Variants in ERBB4 observed in about 807,000 individuals in gnomAD.
ERBB4 encodes erb-b2 receptor tyrosine kinase 4.
In ERBB4, 42 loss-of-function variants were observed where a neutral mutation model predicts 158.0. The observed-to-expected ratio is 0.27, with a 90% CI of 0.21 to 0.34. ERBB4 has a LOEUF of 0.34. Among genes scored for constraint, ERBB4 ranks in the 10% least tolerant of loss-of-function variants. The pLI is 1.00. For synonymous variants in ERBB4, 583 were observed against 558.7 expected (o/e 1.04, Z -0.61); for missense variants, 1,333 against 1,624.1 (o/e 0.82, Z 3.08).
chr2:212,274,345 G>A (rs1053637745), intron 1 of ERBB4, among the ~76,000 whole-genome samples: 1 of 151,694 alleles, frequency 6.6e-6, no homozygotes, highest in Non-Finnish European at 1.5e-5. Context: ...CAAGGTTTAC[G>A]GTATTGCACT....
rs1574551618 is a variant in ERBB4 at position 211,469,897 on chromosome 2, G to T, written c.2488-38797C>A. 2.0e-5 allele frequency among the ~76,000 whole-genome samples: 3 copies of T among 152,154 alleles called. No individual in the cohort carries two copies. In the East Asian group the frequency reaches 5.8e-4, roughly 29 times the overall value. Reference sequence around the variant, plus strand: ...GTGGGCAACAGTCAACCTTAAGTGTGTTTAAGTGGGCTTGGGGGGGGAGAT... The same window carrying T: ...GTGGGCAACAGTCAACCTTAAGTGTTTTTAAGTGGGCTTGGGGGGGGAGAT... On this transcript the variant is annotated intron_variant, in intron 20 of 27. Coordinates refer to ENST00000342788, the MANE Select transcript of ERBB4 (RefSeq NM_005235.3).
At chr2:212,410,148 T>C (rs1314132782) in intron 1 of ERBB4, among the ~76,000 whole-genome samples, 2 of 152,042 alleles carry the variant, frequency 1.3e-5, no homozygotes, top group African/African-American at 4.8e-5. Context: ...TACAATGTAA[T>C]CACCAAAAGA....
At chr2:211,621,924 CAGTT>C (rs1303466586) in intron 18 of ERBB4, among the ~76,000 whole-genome samples, 1 of 152,066 alleles carries the variant, frequency 6.6e-6, no homozygotes, top group Non-Finnish European at 1.5e-5. Context: ...CAGAAGCCTT[CAGTT>C]ACATCTGTGA....
At chr2:212,261,760 G>GA (rs1342941568) in intron 1 of ERBB4, among the ~76,000 whole-genome samples, 1 of 151,950 alleles carries the variant, frequency 6.6e-6, no homozygotes, top group Non-Finnish European at 1.5e-5. Flanking sequence ...TTTCTCAAGA[G>GA]AAAAAATTAT....
chr2:211,457,751 G>A (rs968611229), intron 20 of ERBB4, among the ~76,000 whole-genome samples: 2 of 152,232 alleles, frequency 1.3e-5, no homozygotes, highest in African/African-American at 4.8e-5. Context: ...GGCATTGCAA[G>A]AGTTAGATAC....
intron 2 of ERBB4, among the ~76,000 whole-genome samples, chr2:212,034,946 A>G (rs1287647905): frequency 6.6e-6 from 1 of 152,204 alleles, no homozygotes; most frequent in Non-Finnish European, 1.5e-5. Flanking sequence ...AAATGACTCC[A>G]TGAAAATTAG....
chr2:211,715,086 C>T (rs1469895986), intron 7 of ERBB4, among the ~76,000 whole-genome samples: 1 of 152,146 alleles, frequency 6.6e-6, no homozygotes, highest in Non-Finnish European at 1.5e-5. Flanking sequence ...GAAAATCTTA[C>T]CAACGGGTAT....
At chr2:211,507,359 AC>A (rs1413975960) in intron 20 of ERBB4, among the ~76,000 whole-genome samples, 6 of 152,154 alleles carry the variant, frequency 3.9e-5, no homozygotes, top group African/African-American at 1.4e-4. Flanking sequence ...GACTCATTCT[AC>A]AAAACAAATA....
intron 20 of ERBB4, among the ~76,000 whole-genome samples, chr2:211,507,382 C>T (rs1470630883): frequency 6.6e-6 from 1 of 152,042 alleles, no homozygotes; most frequent in East Asian, 1.9e-4. Flanking sequence ...AACCCTGAAA[C>T]CCATATCAGG....
intron 4 of ERBB4, among the ~76,000 whole-genome samples, chr2:211,784,965 T>A (rs1343009583): frequency 6.6e-6 from 1 of 152,222 alleles, no homozygotes; most frequent in Non-Finnish European, 1.5e-5. Context: ...ATTTGCTTCA[T>A]GTTATTGAGT....
At chr2:211,716,080 C>T (rs763986361) in intron 7 of ERBB4, among the ~76,000 whole-genome samples, 2 of 151,966 alleles carry the variant, frequency 1.3e-5, no homozygotes, top group Non-Finnish European at 2.9e-5. Flanking sequence ...GCTGAATGTC[C>T]GACCGGGCAC....
At chr2:212,505,588 T>C (rs1691150397) in intron 1 of ERBB4, among the ~76,000 whole-genome samples, 1 of 149,122 alleles carries the variant, frequency 6.7e-6, no homozygotes, top group African/African-American at 2.4e-5. Flanking sequence ...GATGCCTCTT[T>C]ATCTGAGCTA....
At chr2:211,588,938 C>T (rs1022610419) in intron 19 of ERBB4, among the ~76,000 whole-genome samples, 1 of 152,088 alleles carries the variant, frequency 6.6e-6, no homozygotes, top group Non-Finnish European at 1.5e-5. Flanking sequence ...AAAGGTAATA[C>T]CTGCCACTGC....
chr2:212,275,546 T>C (rs748660857), intron 1 of ERBB4, among the ~76,000 whole-genome samples: 12 of 151,904 alleles, frequency 7.9e-5, no homozygotes, highest in Non-Finnish European at 1.6e-4. Context: ...TTTTTTCATA[T>C]GTTTGTTGGA....
At chr2:211,426,606 A>C (rs942007397) in intron 22 of ERBB4, among the ~76,000 whole-genome samples, 4 of 152,076 alleles carry the variant, frequency 2.6e-5, no homozygotes, top group African/African-American at 9.7e-5. Flanking sequence ...GATTTTCCCC[A>C]AAAGACAAAT....
At chr2:211,561,218 T>C (rs1328232023) in intron 20 of ERBB4, among the ~76,000 whole-genome samples, 1 of 152,158 alleles carries the variant, frequency 6.6e-6, no homozygotes, top group Non-Finnish European at 1.5e-5. Flanking sequence ...GACTTAAGAT[T>C]TAAATTTGGG....
At chr2:211,469,380 G>A (rs2064776774) in intron 20 of ERBB4, among the ~76,000 whole-genome samples, 1 of 152,100 alleles carries the variant, frequency 6.6e-6, no homozygotes, top group African/African-American at 2.4e-5. Flanking sequence ...TTTCCAGCAG[G>A]AAAGTTTTCA....
intron 1 of ERBB4, among the ~76,000 whole-genome samples, chr2:212,335,874 T>C (rs2106307070): frequency 6.6e-6 from 1 of 152,110 alleles, no homozygotes; most frequent in Non-Finnish European, 1.5e-5. Flanking sequence ...AAAAAGAAGT[T>C]CCACTGTTAA....
chr2:211,755,134 A>C (rs1031592303), intron 4 of ERBB4, among the ~76,000 whole-genome samples: 1 of 152,154 alleles, frequency 6.6e-6, no homozygotes, highest in Non-Finnish European at 1.5e-5. Context: ...TGGCTCAAAG[A>C]GATGAAATAA....
Sources: allele counts gnomAD v4.1 joint callset (sites outside exome capture counted in the v4.1 genomes callset), GRCh38; gene constraint gnomAD v4.1.1; transcripts MANE v1.5; gene names NCBI Gene and HGNC (gene_info 2026-07-23, HGNC 2026-07-21).